Variants in EPHB1 observed in about 807,000 individuals in gnomAD.
The protein encoded by EPHB1 is ephrin type-B receptor 1.
Under a neutral mutation model 94.4 loss-of-function variants are expected in EPHB1, and 30 were observed. The ratio of observed to expected loss-of-function variants is 0.32; its 90% CI spans 0.24 to 0.43. The LOEUF is 0.43. Among genes scored for constraint, EPHB1 ranks in the 20% least tolerant of loss-of-function variants. The probability of loss-of-function intolerance (pLI) is 1.00; values close to 1 mark genes in which losing one functional copy is unlikely to be tolerated. For missense variants in EPHB1, 1,055 were observed against 1,308.3 expected (o/e 0.81, Z 2.99); for synonymous variants, 522 against 489.1 (o/e 1.07, Z -0.89).
chr3:135,191,287 A>G (rs1490389559), intron 10 of EPHB1, among the ~76,000 whole-genome samples: 1 of 152,208 alleles, frequency 6.6e-6, no homozygotes, highest in Non-Finnish European at 1.5e-5. Flanking sequence ...CCCAGGTTCT[A>G]TCAAGTTCTG....
At chr3:135,164,844 A>G (rs940577289) in intron 7 of EPHB1, among the ~76,000 whole-genome samples, 1 of 149,648 alleles carries the variant, frequency 6.7e-6, no homozygotes, top group African/African-American at 2.4e-5. Context: ...TATTGTCATT[A>G]GGGTTGCTAG....
chr3:135,063,610 A>G (rs1016501279), intron 3 of EPHB1, among the ~76,000 whole-genome samples: 4 of 152,126 alleles, frequency 2.6e-5, no homozygotes, highest in Non-Finnish European at 4.4e-5. Context: ...AGGGTTTTTG[A>G]GGTAAATAAT....
chr3:135,154,369 C>T (rs1941289518), intron 6 of EPHB1, 93 bp downstream of exon 6: 2 of 1,549,736 alleles, frequency 1.3e-6, no homozygotes, highest in Admixed American at 1.8e-5. Context: ...AGATAGGCTG[C>T]TGAGGTGGGG....
At chr3:135,040,279 A>G (rs904324657) in intron 3 of EPHB1, among the ~76,000 whole-genome samples, 12 of 152,214 alleles carry the variant, frequency 7.9e-5, no homozygotes, top group African/African-American at 2.9e-4. Flanking sequence ...ATAATGTGGT[A>G]TAAAGGGCCT....
chr3:134,858,334 ATGTG>A (rs2037170142), intron 1 of EPHB1, among the ~76,000 whole-genome samples: 1 of 152,124 alleles, frequency 6.6e-6, no homozygotes, highest in Non-Finnish European at 1.5e-5. Context: ...AGTGCTTTGT[ATGTG>A]TGTCTGTGAA....
intron 3 of EPHB1, among the ~76,000 whole-genome samples, chr3:135,101,745 G>A (rs538604969): frequency 2.6e-5 from 4 of 152,170 alleles, no homozygotes; most frequent in Non-Finnish European, 5.9e-5. Flanking sequence ...GCATAAGTGT[G>A]GTTACAAATT....
At chr3:134,902,033 T>A (rs1206969310) in intron 1 of EPHB1, among the ~76,000 whole-genome samples, 1 of 152,166 alleles carries the variant, frequency 6.6e-6, no homozygotes, top group South Asian at 2.1e-4. Flanking sequence ...CTGAGATCCA[T>A]GGGCAGCTAT....
At chr3:135,072,181 G>C (rs1170170806) in intron 3 of EPHB1, among the ~76,000 whole-genome samples, 1 of 152,110 alleles carries the variant, frequency 6.6e-6, no homozygotes, top group Non-Finnish European at 1.5e-5. Flanking sequence ...AGGAGTTCAA[G>C]ACCAGCCTGG....
chr3:135,206,316 C>T (rs1393812034), intron 12 of EPHB1, among the ~76,000 whole-genome samples: 1 of 152,182 alleles, frequency 6.6e-6, no homozygotes, highest in Non-Finnish European at 1.5e-5. Context: ...GAAGTATATT[C>T]TCACACTGTT....
At chr3:135,122,062 G>A (rs957955376) in intron 4 of EPHB1, among the ~76,000 whole-genome samples, 2 of 152,170 alleles carry the variant, frequency 1.3e-5, no homozygotes, top group Non-Finnish European at 2.9e-5. Flanking sequence ...CACTAGCTTT[G>A]TCAGTCAGTG....
At chr3:135,183,253 T>G (rs1942235582) in intron 10 of EPHB1, among the ~76,000 whole-genome samples, 1 of 125,398 alleles carries the variant, frequency 8.0e-6, no homozygotes, top group Non-Finnish European at 1.6e-5. Context: ...CCTTTCTTCC[T>G]TCCTTCCTTC....
At chr3:135,149,718 A>G (rs1941132322) in intron 5 of EPHB1, among the ~76,000 whole-genome samples, 2 of 152,216 alleles carry the variant, frequency 1.3e-5, no homozygotes, top group South Asian at 4.1e-4. Context: ...ATCCCATCGT[A>G]ATAAAATGTA....
chr3:135,128,258 C>T (rs1285013000), intron 4 of EPHB1, among the ~76,000 whole-genome samples: 2 of 152,240 alleles, frequency 1.3e-5, no homozygotes, highest in African/African-American at 2.4e-5. Context: ...CAATTGGCCT[C>T]CTTCCTGGAG....
In EPHB1 at chr3:135,106,344, T is replaced by A. The variant is rs1939217909; in HGVS notation, c.806-104T>A. 1.7e-5 allele frequency: 23 copies of A among 1,321,570 alleles called. No homozygotes were observed. The East Asian group carries it at 5.4e-4, about 31-fold the overall frequency. The allele number at this position is 1,321,570 out of a possible 1,614,324, so 81.9% of individuals were successfully genotyped here. A position where few individuals can be genotyped will look rare whatever the true frequency, so the allele number is the denominator to read the frequency against. ...TCTCCCTTGGTACGAGAGGGGCATC[T>A]CAATGTTCTTTTTAGAGAGGAAGAC... is the stretch of plus-strand genomic sequence containing the variant. On this transcript the variant is annotated intron_variant, in intron 3 of 15. Coordinates refer to ENST00000398015, the MANE Select transcript of EPHB1 (RefSeq NM_004441.5).
intron 1 of EPHB1, among the ~76,000 whole-genome samples, chr3:134,860,156 C>CACAGACACACAG (rs1553858686): frequency 2.3e-5 from 3 of 127,756 alleles, no homozygotes; most frequent in Admixed American, 2.2e-4. Flanking sequence ...AAGGGACACA[C>CACAGACACACAG]ACACACACAC....
At chr3:134,958,064 T>G (rs533575926) in intron 3 of EPHB1, among the ~76,000 whole-genome samples, 5 of 152,168 alleles carry the variant, frequency 3.3e-5, no homozygotes, top group Admixed American at 1.3e-4. Context: ...CCTGGCTGCT[T>G]CTTCATTCCT....
chr3:134,892,683 C>T (rs2038010211), intron 1 of EPHB1, among the ~76,000 whole-genome samples: 1 of 152,062 alleles, frequency 6.6e-6, no homozygotes, highest in Non-Finnish European at 1.5e-5. Context: ...ACAAATTAGG[C>T]TCCATTTTTA....
intron 1 of EPHB1, among the ~76,000 whole-genome samples, chr3:134,818,293 ACAGG>A (rs2108288854): frequency 6.6e-6 from 1 of 152,258 alleles, no homozygotes; most frequent in Non-Finnish European, 1.5e-5. Context: ...TAAGAGGCTG[ACAGG>A]CAGGCAGCCT....
chr3:135,152,379 C>T (rs1941222065), intron 5 of EPHB1, among the ~76,000 whole-genome samples: 1 of 152,218 alleles, frequency 6.6e-6, no homozygotes, highest in Non-Finnish European at 1.5e-5. Context: ...AGTCTCCCCT[C>T]TCTGGGGGTA....
Sources: gnomAD v4.1 joint callset for allele counts (sites outside exome capture counted in the v4.1 genomes callset) on GRCh38, gnomAD v4.1.1 for gene constraint, MANE v1.5 for transcripts, NCBI Gene and HGNC (gene_info 2026-07-23, HGNC 2026-07-21) for gene names.